ADAM2: variants seen among roughly 807,000 people sequenced by gnomAD.
The protein encoded by ADAM2 is ADAM metallopeptidase domain 2, also known as disintegrin and metalloproteinase domain-containing protein 2.
A neutral mutation model predicts 99.3 loss-of-function variants in ADAM2; 101 were observed. That is an observed-to-expected ratio of 1.02 (90% CI 0.87 to 1.20). ADAM2 has a LOEUF of 1.20. Among genes scored for constraint, ADAM2 ranks in the 50% most tolerant of loss-of-function variants. The pLI, the probability that ADAM2 is intolerant of heterozygous loss-of-function variation, is 0.00. For missense variants in ADAM2, 948 were observed against 878.7 expected (o/e 1.08, Z -1.00); for synonymous variants, 323 against 287.6 (o/e 1.12, Z -1.25).
intron 7 of ADAM2, among the ~76,000 whole-genome samples, chr8:39,791,105 A>G (rs771454292): frequency 6.6e-6 from 1 of 152,020 alleles, no homozygotes; most frequent in Non-Finnish European, 1.5e-5. Context: ...GACTTATGCT[A>G]AAGTTTCATG....
intron 2 of ADAM2, among the ~76,000 whole-genome samples, chr8:39,836,171 T>A (rs1252689752): frequency 1.3e-5 from 2 of 152,114 alleles, no homozygotes; most frequent in Non-Finnish European, 2.9e-5. Flanking sequence ...AATAGACAAT[T>A]TTTTCCTCAT....
intron 6 of ADAM2, among the ~76,000 whole-genome samples, chr8:39,816,137 A>C (rs1376744150): frequency 1.3e-5 from 2 of 152,124 alleles, no homozygotes; most frequent in African/African-American, 4.8e-5. Context: ...CTCAACTAAA[A>C]ATGCAAAAAA....
chr8:39,797,230 G>A (rs570126337), intron 7 of ADAM2, among the ~76,000 whole-genome samples: 1 of 152,282 alleles, frequency 6.6e-6, no homozygotes, highest in East Asian at 1.9e-4. Context: ...TTTGTATAAG[G>A]TGTAAGGAAG....
At chr8:39,767,774 C>T (rs995872644) in intron 12 of ADAM2, among the ~76,000 whole-genome samples, 8 of 152,042 alleles carry the variant, frequency 5.3e-5, no homozygotes, top group Non-Finnish European at 8.8e-5. Context: ...ATATCATTCA[C>T]TCATATCTTA....
At chr8:39,751,513 GT>G (rs144268486) in intron 16 of ADAM2, among the ~76,000 whole-genome samples, 12,181 of 150,634 alleles carry the variant, frequency 0.081, 685 homozygotes, top group Non-Finnish European at 0.12. Context: ...TTGTTTGTTT[GT>G]TTTTGCTTTA....
In ADAM2 at chr8:39,822,723, C is replaced by T. The variant is rs560305126; in HGVS notation, c.268-1061G>A. ...TTTCATTTCCGTCAATTATGCCTTC[C>T]ATAATTTGAGGATTTGAGGTCTGTT... On this transcript the variant is annotated intron_variant, in intron 4 of 20. Coordinates refer to ENST00000265708, the MANE Select transcript of ADAM2 (RefSeq NM_001464.5). Among the ~76,000 whole-genome samples, 15 of 151,320 alleles carry T rather than the reference C, an allele frequency of 9.9e-5. No homozygotes were observed. In the East Asian group the frequency reaches 2.7e-3, roughly 27 times the overall value.
Position 39,761,197 on chromosome 8 carries a change from C to T in ADAM2, c.1592G>A (p.Gly531Glu), listed in dbSNP as rs753567674. 4 of 1,598,948 alleles carry T rather than the reference C, an allele frequency of 2.5e-6. No homozygotes were observed. The Admixed American group carries it at 5.1e-5, about 20-fold the overall frequency. Reference protein sequence around the residue: ...VSGNCGISDSGYTQCEADNLQ... With the variant: ...VSGNCGISDSEYTQCEADNLQ... ...ATACTCAGCTTCACACTGTGTGTAT[C>T]CTGAATCACTTATACCACAGTTTCC... The change falls in exon 15 of 21, where the codon GGA becomes GAA. Residue 531 changes from glycine to glutamate, a missense_variant. Coordinates refer to ENST00000265708, the MANE Select transcript of ADAM2 (RefSeq NM_001464.5).
At chr8:39,777,989 G>A (rs982851301) in intron 10 of ADAM2, among the ~76,000 whole-genome samples, 10 of 146,676 alleles carry the variant, frequency 6.8e-5, no homozygotes, top group African/African-American at 2.5e-4. Flanking sequence ...AATTTTATTG[G>A]GAAAACTAAA....
At chr8:39,809,838 G>A (rs1160489368) in intron 6 of ADAM2, among the ~76,000 whole-genome samples, 2 of 152,158 alleles carry the variant, frequency 1.3e-5, no homozygotes, top group African/African-American at 4.8e-5. Flanking sequence ...ATGCCAAATT[G>A]TAAAGACCAT....
At chr8:39,791,408 A>G (rs1415082427) in intron 7 of ADAM2, among the ~76,000 whole-genome samples, 1 of 152,030 alleles carries the variant, frequency 6.6e-6, no homozygotes, top group South Asian at 2.1e-4. Context: ...TGGTTCATGA[A>G]TTGTATTGAA....
chr8:39,805,552 A>T (rs1804401446), intron 7 of ADAM2, among the ~76,000 whole-genome samples: 1 of 152,202 alleles, frequency 6.6e-6, no homozygotes, highest in Admixed American at 6.5e-5. Flanking sequence ...TTTAAGAATA[A>T]TTTATTAAAG....
At chr8:39,816,067 G>C (rs1804926718) in intron 6 of ADAM2, among the ~76,000 whole-genome samples, 1 of 151,986 alleles carries the variant, frequency 6.6e-6, no homozygotes, top group South Asian at 2.1e-4. Context: ...AGGCTGAGGT[G>C]GGTGAATCAC....
chr8:39,781,549 G>T (rs905008251), intron 10 of ADAM2, among the ~76,000 whole-genome samples: 1 of 151,998 alleles, frequency 6.6e-6, no homozygotes, highest in African/African-American at 2.4e-5. Context: ...CATTAATTTT[G>T]AGTGTAACTG....
rs1239653414 is a variant in ADAM2 at position 39,788,125 on chromosome 8, A to C, written c.769T>G (p.Tyr257Asp). The change falls in exon 9 of 21, where the codon TAT becomes GAT. Residue 257 changes from tyrosine (Y) to aspartate (D), a missense_variant. Physicochemically the swap from Tyr to Asp is radical, Grantham distance 160. Coordinates refer to ENST00000265708, the MANE Select transcript of ADAM2 (RefSeq NM_001464.5). ...ACATCATGAGGACGTAAAACAAGAT[A>C]AGATGTTTTCCATCTTAAAAATGTG... ...LHTFLRWKTS[Y>D]LVLRPHDVAF... is the part of the protein sequence containing the mutation. 3.8e-6 allele frequency: 6 copies of C among 1,572,822 alleles called. No homozygotes were observed. The highest frequency in any genetic ancestry group is 5.2e-6 in the Non-Finnish European group (6 of 1,162,276).
chr8:39,809,129 A>T (rs973465243), intron 7 of ADAM2, among the ~76,000 whole-genome samples: 3 of 152,214 alleles, frequency 2.0e-5, no homozygotes, highest in African/African-American at 4.8e-5. Flanking sequence ...TTTAAAATTC[A>T]GTATAGTTCT....
At chr8:39,766,308 C>T (rs1026887053) in intron 14 of ADAM2, among the ~76,000 whole-genome samples, 1 of 152,128 alleles carries the variant, frequency 6.6e-6, no homozygotes, top group African/African-American at 2.4e-5. Context: ...TTCTTGAACT[C>T]AGAAGTCCCA....
intron 6 of ADAM2, among the ~76,000 whole-genome samples, chr8:39,811,881 C>T (rs1804714046): frequency 1.3e-5 from 2 of 152,130 alleles, no homozygotes; most frequent in African/African-American, 4.8e-5. Flanking sequence ...ACAGGGATGT[C>T]CTCTCTCACC....
intron 7 of ADAM2, among the ~76,000 whole-genome samples, chr8:39,795,543 C>T (rs6993989): frequency 0.18 from 27,369 of 152,010 alleles, 2,761 homozygotes; most frequent in East Asian, 0.29. Context: ...TTTAACTCTA[C>T]CTATGACCTG....
At chr8:39,801,270 T>TC (rs1321288243) in intron 7 of ADAM2, among the ~76,000 whole-genome samples, 6 of 152,198 alleles carry the variant, frequency 3.9e-5, no homozygotes, top group Non-Finnish European at 8.8e-5. Flanking sequence ...GTCAGGTCCC[T>TC]CTTCTGTAGG....
Sources: gnomAD v4.1 joint callset for allele counts (sites outside exome capture counted in the v4.1 genomes callset) on GRCh38, gnomAD v4.1.1 for gene constraint, MANE v1.5 for transcripts, NCBI Gene and HGNC (gene_info 2026-07-23, HGNC 2026-07-21) for gene names.